The following PTPN12 variants were observed in gnomAD, a reference collection of about 807,000 sequenced individuals.
The protein encoded by PTPN12 is protein tyrosine phosphatase non-receptor type 12.
A neutral mutation model predicts 97.6 loss-of-function variants in PTPN12; 29 were observed. The observed-to-expected ratio is 0.30, with a 90% CI of 0.22 to 0.41. PTPN12 has a LOEUF of 0.41. PTPN12 is among the 10% of genes least tolerant of loss of function. The pLI, the probability that PTPN12 is intolerant of heterozygous loss-of-function variation, is 1.00. For synonymous variants in PTPN12, 327 were observed against 300.4 expected (o/e 1.09, Z -0.91); for missense variants, 819 against 926.0 (o/e 0.88, Z 1.50).
intron 11 of PTPN12, 43 bp downstream of exon 11, chr7:77,611,089 T>C: frequency 2.1e-6 from 3 of 1,451,562 alleles, no homozygotes; most frequent in Non-Finnish European, 1.9e-6. Flanking sequence ...CTTTTACTCT[T>C]TGTTAAGATG....
At chr7:77,543,550 G>A (rs1195520866) in intron 1 of PTPN12, among the ~76,000 whole-genome samples, 3 of 152,002 alleles carry the variant, frequency 2.0e-5, no homozygotes, top group South Asian at 4.1e-4. Context: ...CCTACCATAA[G>A]ATTTATTCAT....
chr7:77,572,942 A>T (rs1355887164), intron 2 of PTPN12, among the ~76,000 whole-genome samples: 16 of 151,738 alleles, frequency 1.1e-4, no homozygotes, highest in African/African-American at 3.9e-4. Flanking sequence ...AATTAGCCAG[A>T]TGTGGTGGCA....
At chr7:77,602,476 A>G (rs528243207) in intron 8 of PTPN12, among the ~76,000 whole-genome samples, 2 of 152,264 alleles carry the variant, frequency 1.3e-5, no homozygotes, top group East Asian at 1.9e-4. Flanking sequence ...AATGTTTGCA[A>G]TAAGTGTCAT....
At chr7:77,591,326 C>G (rs1438498543) in intron 5 of PTPN12, among the ~76,000 whole-genome samples, 1 of 152,140 alleles carries the variant, frequency 6.6e-6, no homozygotes, top group Non-Finnish European at 1.5e-5. Context: ...CACTTAGAGA[C>G]TTTGATTTTA....
intron 13 of PTPN12, among the ~76,000 whole-genome samples, chr7:77,628,851 T>C (rs1157685956): frequency 6.6e-6 from 1 of 150,948 alleles, no homozygotes; most frequent in Non-Finnish European, 1.5e-5. Flanking sequence ...AAAGATTATT[T>C]TCTATTTCTG....
chr7:77,567,433 AAAG>A (rs1808309639), intron 1 of PTPN12, among the ~76,000 whole-genome samples: 1 of 152,204 alleles, frequency 6.6e-6, no homozygotes, highest in African/African-American at 2.4e-5. Flanking sequence ...CTTAAAATTA[AAAG>A]ATAAGTAAGC....
intron 12 of PTPN12, among the ~76,000 whole-genome samples, chr7:77,625,530 A>G (rs6953994): frequency 0.048 from 708 of 14,866 alleles, 38 homozygotes; most frequent in Middle Eastern, 0.1. Flanking sequence ...TCTCACTCTC[A>G]CTCTCACTCG....
chr7:77,617,393 T>C lies in PTPN12; in HGVS notation c.940-1087T>C, dbSNP rs1788788511. Among the ~76,000 whole-genome samples, 3 of 152,304 alleles carry C rather than the reference T, an allele frequency of 2.0e-5. No individual in the cohort carries two copies. The South Asian group carries it at 6.2e-4, about 32-fold the overall frequency. ...GTTGTTCTTGTCAGGAAGTGATATG[T>C]ATAAAACTATTAATTCATCAGATTA... On this transcript the variant is annotated intron_variant, in intron 11 of 17. Transcript: ENST00000248594.
chr7:77,580,465 A>G (rs530811856), intron 2 of PTPN12, among the ~76,000 whole-genome samples: 6 of 152,356 alleles, frequency 3.9e-5, no homozygotes, highest in African/African-American at 9.6e-5. Flanking sequence ...GTAGTTTTTC[A>G]AAGTATATAA....
At chr7:77,572,938 C>T (rs1211168363) in intron 2 of PTPN12, among the ~76,000 whole-genome samples, 3 of 151,912 alleles carry the variant, frequency 2.0e-5, no homozygotes, top group East Asian at 1.9e-4. Flanking sequence ...CAAAAATTAG[C>T]CAGATGTGGT....
intron 2 of PTPN12, among the ~76,000 whole-genome samples, chr7:77,580,621 A>G (rs778552611): frequency 2.6e-4 from 40 of 152,158 alleles, no homozygotes; most frequent in Non-Finnish European, 3.2e-4. Flanking sequence ...AAAATTATAT[A>G]CATATTCCTT....
intron 2 of PTPN12, among the ~76,000 whole-genome samples, chr7:77,573,110 A>AAC (rs1298318900): frequency 6.9e-6 from 1 of 145,600 alleles, no homozygotes; most frequent in Non-Finnish European, 1.5e-5. Flanking sequence ...AAAAACAAAA[A>AAC]AAACCAGTGT....
At chr7:77,613,911 A>G (rs976116512) in intron 11 of PTPN12, among the ~76,000 whole-genome samples, 1 of 151,776 alleles carries the variant, frequency 6.6e-6, no homozygotes, top group Non-Finnish European at 1.5e-5. Context: ...GTTTTGTTTG[A>G]GACGAGGTCT....
At chr7:77,573,212 A>G (rs118156511) in intron 2 of PTPN12, among the ~76,000 whole-genome samples, 1 of 151,970 alleles carries the variant, frequency 6.6e-6, no homozygotes, top group African/African-American at 2.4e-5. Flanking sequence ...TGCAAAATAC[A>G]CTCCACTTTT....
intron 11 of PTPN12, among the ~76,000 whole-genome samples, chr7:77,611,730 G>T (rs1788576249): frequency 6.6e-6 from 1 of 152,280 alleles, no homozygotes; most frequent in African/African-American, 2.4e-5. Flanking sequence ...GGGATTACAG[G>T]CATGAGCCAA....
At chr7:77,540,920 A>C (rs1023425138) in intron 1 of PTPN12, among the ~76,000 whole-genome samples, 1 of 152,172 alleles carries the variant, frequency 6.6e-6, no homozygotes, top group African/African-American at 2.4e-5. Context: ...GTTTATTCCA[A>C]ATTTGGAAAT....
intron 8 of PTPN12, among the ~76,000 whole-genome samples, chr7:77,605,945 CTTTTTTTTTTTT>C (rs10648385): frequency 2.1e-4 from 11 of 51,896 alleles, no homozygotes; most frequent in African/African-American, 7.1e-4. Flanking sequence ...CAAGAGCCAT[CTTTTTTTTTTTT>C]TTTTTTTTTT....
intron 13 of PTPN12, among the ~76,000 whole-genome samples, chr7:77,628,194 T>TA (rs1323108597): frequency 6.6e-6 from 1 of 152,220 alleles, no homozygotes; most frequent in Non-Finnish European, 1.5e-5. Context: ...ACCCTGAGTT[T>TA]AACCCAGGAA....
intron 1 of PTPN12, among the ~76,000 whole-genome samples, chr7:77,548,965 T>G (rs1807348329): frequency 6.6e-6 from 1 of 152,224 alleles, no homozygotes; most frequent in Non-Finnish European, 1.5e-5. Context: ...GCATTTTGAC[T>G]TTCACTGTTT....
Sources: allele counts gnomAD v4.1 joint callset (sites outside exome capture counted in the v4.1 genomes callset), GRCh38; gene constraint gnomAD v4.1.1; transcripts MANE v1.5; gene names NCBI Gene and HGNC (gene_info 2026-07-23, HGNC 2026-07-21).